Variants in AKAP6 observed in about 807,000 individuals in gnomAD.
AKAP6 encodes the protein A-kinase anchor protein 6.
Under a neutral mutation model 188.5 loss-of-function variants are expected in AKAP6, and 58 were observed. The observed-to-expected ratio is 0.31, with a 90% CI of 0.25 to 0.38. The LOEUF is 0.38. Ranked by LOEUF, AKAP6 falls within the 10% of genes least tolerant of loss-of-function variation. AKAP6 has a pLI of 1.00. For missense variants in AKAP6, 2,710 were observed against 2,740.0 expected (o/e 0.99, Z 0.24); for synonymous variants, 989 against 998.6 (o/e 0.99, Z 0.18).
intron 2 of AKAP6, 34 bp from the exon 3 acceptor site, chr14:32,535,520 T>C: frequency 6.3e-7 from 1 of 1,593,466 alleles, no homozygotes; most frequent in Non-Finnish European, 8.6e-7. Flanking sequence ...TAAGGCAAAG[T>C]AGTCCTCACA....
intron 2 of AKAP6, among the ~76,000 whole-genome samples, chr14:32,506,264 TG>T (rs928050080): frequency 6.6e-6 from 1 of 152,224 alleles, no homozygotes; most frequent in African/African-American, 2.4e-5. Context: ...TGGGTTTATG[TG>T]TTTCTGAATC....
intron 1 of AKAP6, among the ~76,000 whole-genome samples, chr14:32,428,032 C>T (rs1435772192): frequency 1.3e-5 from 2 of 152,156 alleles, no homozygotes; most frequent in Non-Finnish European, 2.9e-5. Flanking sequence ...AAACTGTACT[C>T]ATGATAATGC....
At chr14:32,828,437 T>C (rs968564998) in intron 13 of AKAP6, among the ~76,000 whole-genome samples, 1 of 152,128 alleles carries the variant, frequency 6.6e-6, no homozygotes, top group African/African-American at 2.4e-5. Context: ...TTAAATTATC[T>C]GGCACTTCTG....
intron 1 of AKAP6, among the ~76,000 whole-genome samples, chr14:32,376,524 A>G (rs557314451): frequency 1.7e-4 from 26 of 152,300 alleles, no homozygotes; most frequent in African/African-American, 6.0e-4. Context: ...GTCAGTGTCT[A>G]TTGAATAAAT....
At chr14:32,683,965 G>A (rs898668675) in intron 8 of AKAP6, among the ~76,000 whole-genome samples, 2 of 152,196 alleles carry the variant, frequency 1.3e-5, no homozygotes, top group Non-Finnish European at 2.9e-5. Context: ...TGTTGAGGGA[G>A]GGGCTATTTG....
chr14:32,441,481 T>C (rs778392182), intron 2 of AKAP6, among the ~76,000 whole-genome samples: 6 of 152,246 alleles, frequency 3.9e-5, no homozygotes, highest in Non-Finnish European at 7.3e-5. Context: ...CATCCAATGC[T>C]GGAAAACAGG....
chr14:32,381,635 T>C (rs756923526), intron 1 of AKAP6, among the ~76,000 whole-genome samples: 31 of 152,154 alleles, frequency 2.0e-4, no homozygotes, highest in Non-Finnish European at 3.4e-4. Context: ...CAGTGAAGTT[T>C]ACATTAGAGA....
chr14:32,700,167 G>A (rs1357658457), intron 9 of AKAP6, among the ~76,000 whole-genome samples: 1 of 152,190 alleles, frequency 6.6e-6, no homozygotes, highest in Non-Finnish European at 1.5e-5. Context: ...TGTTGCTGCT[G>A]CACTGTCCTC....
At chr14:32,821,233 T>C (rs1466754310) in intron 12 of AKAP6, among the ~76,000 whole-genome samples, 169 bp from the exon 13 acceptor site, 1 of 152,204 alleles carries the variant, frequency 6.6e-6, no homozygotes, top group Non-Finnish European at 1.5e-5. Context: ...CTTTCAGTAA[T>C]TTCTGGGTGT....
chr14:32,648,952 C>A (rs1888094898), intron 7 of AKAP6, among the ~76,000 whole-genome samples: 1 of 152,064 alleles, frequency 6.6e-6, no homozygotes, highest in Non-Finnish European at 1.5e-5. Context: ...CACAGATAGC[C>A]AATTTAATTA....
chr14:32,783,116 C>G (rs576402117), intron 12 of AKAP6, among the ~76,000 whole-genome samples: 1 of 151,910 alleles, frequency 6.6e-6, no homozygotes, highest in Non-Finnish European at 1.5e-5. Flanking sequence ...CATAAATGGT[C>G]AATTAATTTT....
At chr14:32,554,991 G>A (rs545996797) in intron 4 of AKAP6, among the ~76,000 whole-genome samples, 1 of 152,218 alleles carries the variant, frequency 6.6e-6, no homozygotes, top group Non-Finnish European at 1.5e-5. Context: ...AGATGTAAAT[G>A]TCTTCATATG....
intron 1 of AKAP6, among the ~76,000 whole-genome samples, chr14:32,384,384 A>C (rs896946136): frequency 6.6e-6 from 1 of 152,144 alleles, no homozygotes; most frequent in Non-Finnish European, 1.5e-5. Flanking sequence ...CTCATGAGGG[A>C]GTGGGGGCTA....
intron 7 of AKAP6, among the ~76,000 whole-genome samples, chr14:32,626,140 A>G (rs1023849939): frequency 6.6e-6 from 1 of 152,138 alleles, no homozygotes; most frequent in African/African-American, 2.4e-5. Context: ...TCGTCAAGTC[A>G]GATAGGACTG....
At chr14:32,771,749 TA>T (rs2032905149) in intron 11 of AKAP6, among the ~76,000 whole-genome samples, 1 of 152,262 alleles carries the variant, frequency 6.6e-6, no homozygotes, top group African/African-American at 2.4e-5. Context: ...ATACAGTTAT[TA>T]TGCTAGTTAA....
chr14:32,776,601 G>T (rs1244112002), intron 12 of AKAP6, among the ~76,000 whole-genome samples: 1 of 152,202 alleles, frequency 6.6e-6, no homozygotes, highest in Non-Finnish European at 1.5e-5. Flanking sequence ...CTACAAATAA[G>T]TATTTGCTGA....
At chr14:32,365,213 A>G (rs1887792585) in intron 1 of AKAP6, among the ~76,000 whole-genome samples, 1 of 152,208 alleles carries the variant, frequency 6.6e-6, no homozygotes, top group Non-Finnish European at 1.5e-5. Context: ...ACAGGATGGC[A>G]GTAACTGTGT....
intron 2 of AKAP6, among the ~76,000 whole-genome samples, chr14:32,525,286 C>A (rs1882064530): frequency 2.0e-5 from 3 of 152,134 alleles, no homozygotes; most frequent in Admixed American, 6.5e-5. Flanking sequence ...TAAGTCAGAG[C>A]CTGGTATTAG....
chr14:32,371,900 G>A (rs1888018595), intron 1 of AKAP6, among the ~76,000 whole-genome samples: 1 of 152,118 alleles, frequency 6.6e-6, no homozygotes, highest in South Asian at 2.1e-4. Flanking sequence ...TGCAAGATAT[G>A]CAGATTAGTA....
Sources: allele counts gnomAD v4.1 joint callset (sites outside exome capture counted in the v4.1 genomes callset), GRCh38; gene constraint gnomAD v4.1.1; transcripts MANE v1.5; gene names NCBI Gene and HGNC (gene_info 2026-07-23, HGNC 2026-07-21).